PHYKPL: variants seen among roughly 807,000 people sequenced by gnomAD.
The protein encoded by PHYKPL is 5-phosphohydroxy-L-lysine phospho-lyase.
A neutral mutation model predicts 51.3 loss-of-function variants in PHYKPL; 42 were observed. The ratio of observed to expected loss-of-function variants is 0.82; its 90% CI spans 0.64 to 1.06. The LOEUF (loss-of-function observed/expected upper bound fraction) is 1.06. Among genes scored for constraint, PHYKPL ranks in the 50% least tolerant of loss-of-function variants. The pLI, the probability that PHYKPL is intolerant of heterozygous loss-of-function variation, is 0.00. For missense variants in PHYKPL, 655 were observed against 586.6 expected (o/e 1.12, Z -1.20); for synonymous variants, 264 against 236.0 (o/e 1.12, Z -1.09).
chr5:178,232,412 G>C, intron 1 of PHYKPL, 80 bp downstream of exon 1: 1 of 1,336,182 alleles, frequency 7.5e-7, no homozygotes, highest in Non-Finnish European at 9.5e-7. Flanking sequence ...CGTGCGTAGT[G>C]CGTGCGTGCG....
At chr5:178,209,423 AGCGGAGGTGGTG>A in intron 12 of PHYKPL, 1 of 1,614,060 alleles carries the variant, frequency 6.2e-7, no homozygotes, top group Non-Finnish European at 8.5e-7. Flanking sequence ...GAACCGAGGC[AGCGGAGGTGGTG>A]GTGGAGGTGG....
chr5:178,209,566 G>A (rs1757540259), intron 12 of PHYKPL: 3 of 817,122 alleles, frequency 3.7e-6, no homozygotes, highest in Non-Finnish European at 6.1e-6. Flanking sequence ...TGTGAGGTTG[G>A]GGACGAACAG....
intron 12 of PHYKPL, chr5:178,210,776 T>C: frequency 1.5e-6 from 1 of 668,706 alleles, no homozygotes; most frequent in Admixed American, 2.2e-5. Flanking sequence ...CACTCTCCTG[T>C]TGACTATTTC....
chr5:178,208,570 A>T lies in PHYKPL; in HGVS notation c.*377T>A, dbSNP rs998296195. ...TGCATTATTTTAATTTGCCAATTAA[A>T]AGTATGACTGGGACACTGTAAAATG... is the stretch of plus-strand genomic sequence containing the variant. On this transcript the variant is annotated 3_prime_UTR_variant, in exon 13 of 13. Transcript: ENST00000308158. The T allele has an allele frequency of 3.2e-4, 49 of 152,364 alleles. No homozygotes were observed. The highest frequency in any genetic ancestry group is 1.1e-3 in the African/African-American group (47 of 41,574). The allele number at this position is 152,364 out of a possible 1,614,324, so 9.4% of individuals were successfully genotyped here. A position where few individuals can be genotyped will look rare whatever the true frequency, so the allele number is the denominator to read the frequency against.
intron 3 of PHYKPL, chr5:178,228,016 G>C (rs1045728678): frequency 2.5e-5 from 4 of 162,646 alleles, no homozygotes; most frequent in Admixed American, 6.1e-5. Context: ...AGGGAGAACA[G>C]TACCATGGTC....
At position 178,210,708 on chromosome 5, in the gene PHYKPL, G is replaced by GCAAACTTTCTATT. The variant is rs1758012835; in HGVS notation, c.*31+1169_*31+1181dup. 3.7e-6 allele frequency: 4 copies of GCAAACTTTCTATT among 1,079,260 alleles called. No homozygotes were observed. In the Admixed American group the frequency reaches 7.1e-5, roughly 19 times the overall value. 66.9% of individuals were successfully genotyped at this position (1,079,260 alleles called of 1,614,324 possible). On this transcript the variant is annotated intron_variant, in intron 12 of 12. Coordinates refer to ENST00000308158, the MANE Select transcript of PHYKPL (RefSeq NM_153373.4). ...ACAATTATGTACCAAATTTAACTTG[G>GCAAACTTTCTATT]CAAACTTTCTATTGCCTGTCCCATG... is the stretch of plus-strand genomic sequence containing the variant.
In PHYKPL at chr5:178,231,400, C is replaced by T; in HGVS notation, c.178+5G>A. 1 of 1,614,220 alleles carries T rather than the reference C, an allele frequency of 6.2e-7. No homozygotes were observed. Among genetic ancestry groups the T allele is most frequent in the Non-Finnish European group, 8.5e-7 (1 of 1,180,026 alleles). On this transcript the variant is annotated splice_donor_5th_base_variant and intron_variant, in intron 2 of 12. Transcript: ENST00000308158. ...TGCCCTGCCAGCCTGAGGTGTGATACTGACCGTGCGCCACATTGCTGATGC... is the reference window on the plus strand; with the variant it reads ...TGCCCTGCCAGCCTGAGGTGTGATATTGACCGTGCGCCACATTGCTGATGC...
At chr5:178,210,538 T>G (rs373842543) in intron 12 of PHYKPL, 140 of 1,612,918 alleles carry the variant, frequency 8.7e-5, no homozygotes, top group East Asian at 1.3e-4. Flanking sequence ...CTGCTATGGT[T>G]GTTCTCGTCC....
chr5:178,208,504 T>A lies in PHYKPL; in HGVS notation c.*443A>T, dbSNP rs1422127680. On this transcript the variant is annotated 3_prime_UTR_variant, in exon 13 of 13. Coordinates refer to ENST00000308158, the MANE Select transcript of PHYKPL (RefSeq NM_153373.4). Reference sequence around the variant, plus strand: ...AGGAGTAAGTATATTTAGTTGGTTATATTCAGTATTTTTAATTTAGTAGGA... The same window carrying A: ...AGGAGTAAGTATATTTAGTTGGTTAAATTCAGTATTTTTAATTTAGTAGGA... 6.6e-6 allele frequency: 1 copy of A among 152,236 alleles called. No homozygotes were observed. The highest frequency in any genetic ancestry group is 1.5e-5 in the Non-Finnish European group (1 of 68,044). 9.4% of individuals were successfully genotyped at this position (152,236 alleles called of 1,614,324 possible).
At chr5:178,208,192 G>GT (rs1757185166), downstream of PHYKPL, among the ~76,000 whole-genome samples, 2 of 152,210 alleles carry the variant, frequency 1.3e-5, no homozygotes, top group Admixed American at 1.3e-4. Flanking sequence ...GCGGCCTGCA[G>GT]TGGCAGGGTG....
downstream of PHYKPL, among the ~76,000 whole-genome samples, chr5:178,208,117 C>T (rs922827033): frequency 1.3e-5 from 2 of 152,186 alleles, no homozygotes; most frequent in East Asian, 3.8e-4. Context: ...TAGCTCTTCC[C>T]CTCCTGAACT....
chr5:178,210,148 G>C (rs11546683), intron 12 of PHYKPL: 1 of 1,614,130 alleles, frequency 6.2e-7, no homozygotes. Flanking sequence ...GTCAGAGTTG[G>C]AATCAGGGCT....
intron 12 of PHYKPL, chr5:178,210,127 C>A (rs367725199): frequency 3.0e-5 from 49 of 1,613,966 alleles, no homozygotes; most frequent in South Asian, 5.5e-5. Context: ...CTGCTCCCCC[C>A]ACAGGTCAGA....
chr5:178,232,440 T>G, intron 1 of PHYKPL, 52 bp downstream of exon 1: 1 of 1,377,310 alleles, frequency 7.3e-7, no homozygotes, highest in Non-Finnish European at 9.3e-7. Context: ...TGCGTGCGCG[T>G]GCCTCTCCGC....
At chr5:178,222,676 G>T in intron 7 of PHYKPL, 96 bp from the exon 8 acceptor site, 1 of 1,411,954 alleles carries the variant, frequency 7.1e-7, no homozygotes, top group Non-Finnish European at 9.8e-7. Context: ...GGCTCTGCCA[G>T]CAGTAAGGTG....
In PHYKPL at chr5:178,213,013, A is replaced by G. The variant is rs116074305; in HGVS notation, c.1263T>C (p.Asn421=). ...CCAGCTTTGCCACCACCTGCCGTGC[A>G]TTGTCCAGGCTGAAGCACATTGGGG... is the stretch of plus-strand genomic sequence containing the variant. ...FKPPMCFSLD[N]ARQVVAKLDA... The change falls in exon 11 of 13, where the codon AAT becomes AAC. Residue 421 remains asparagine, a synonymous_variant. Transcript: ENST00000308158. 429 of 1,614,186 alleles carry G rather than the reference A, an allele frequency of 2.7e-4. 1 individual carries two copies. The African/African-American group carries it at 4.3e-3, about 16-fold the overall frequency.
intron 4 of PHYKPL, 120 bp from the exon 5 acceptor site, chr5:178,224,849 C>T (rs990602874): frequency 1.4e-6 from 1 of 736,876 alleles, no homozygotes; most frequent in Non-Finnish European, 2.2e-6. Flanking sequence ...CTGACAGAGC[C>T]CCCAAGTTCT....
Position 178,230,097 on chromosome 5 carries a change from C to T in PHYKPL, c.181G>A (p.Gly61Arg). ...TGGACCACGAGAGGGTGGCAGTGCC[C>T]AACTGGAAGAGGGCCGCCTCCGTCA... ...IDCISNVAHV[G>R]HCHPLVVQAA... The change falls in exon 3 of 13, where the codon GGG becomes AGG. Residue 61 changes from glycine (G) to arginine (R), a missense_variant and splice_region_variant. Transcript: ENST00000308158. 1 of 1,613,788 alleles carries T rather than the reference C, an allele frequency of 6.2e-7. No individual in the cohort carries two copies.
intron 6 of PHYKPL, 114 bp from the exon 7 acceptor site, chr5:178,223,048 C>A: frequency 1.0e-6 from 1 of 980,796 alleles, no homozygotes; most frequent in Non-Finnish European, 1.6e-6. Context: ...CAGTGCTGCA[C>A]CCCTACTTTG....
Sources: gnomAD v4.1 joint callset for allele counts (sites outside exome capture counted in the v4.1 genomes callset) on GRCh38, gnomAD v4.1.1 for gene constraint, MANE v1.5 for transcripts, NCBI Gene and HGNC (gene_info 2026-07-23, HGNC 2026-07-21) for gene names.